The following MAPK8IP3 variants were observed in gnomAD, a reference collection of about 807,000 sequenced individuals.
MAPK8IP3 encodes mitogen-activated protein kinase 8 interacting protein 3.
Under a neutral mutation model 157.8 loss-of-function variants are expected in MAPK8IP3, and 49 were observed. That is an observed-to-expected ratio of 0.31 (90% CI 0.25 to 0.39). MAPK8IP3 has a LOEUF of 0.39. MAPK8IP3 is among the 10% of genes least tolerant of loss of function. The pLI, the probability that MAPK8IP3 is intolerant of heterozygous loss-of-function variation, is 1.00. For synonymous variants in MAPK8IP3, 897 were observed against 777.7 expected (o/e 1.15, Z -2.55); for missense variants, 1,478 against 1,889.4 (o/e 0.78, Z 4.04).
rs906498295 is a variant in MAPK8IP3 at position 1,742,575 on chromosome 16, C to T, written c.603-757C>T. 6.6e-6 allele frequency among the ~76,000 whole-genome samples: 1 copy of T among 152,192 alleles called. No homozygotes were observed. The highest frequency in any genetic ancestry group is 2.4e-5 in the African/African-American group (1 of 41,454). Reference sequence around the variant, plus strand: ...TTTTGCAGTGAGGCAGCCTCATGAACAGGAGTAATGAGGATGGGCAGGAGG... The same window carrying T: ...TTTTGCAGTGAGGCAGCCTCATGAATAGGAGTAATGAGGATGGGCAGGAGG... On this transcript the variant is annotated intron_variant, in intron 4 of 31. Coordinates refer to ENST00000610761, the MANE Select transcript of MAPK8IP3 (RefSeq NM_001318852.2). This position sits in a 1 kb window ranked among gnomAD's most constrained non-coding sequence, Gnocchi z 5.0.
chr16:1,743,647 G>A lies in MAPK8IP3; in HGVS notation c.747+171G>A. 1 of 1,438,832 alleles carries A rather than the reference G, an allele frequency of 7.0e-7. No homozygotes were observed. The highest frequency in any genetic ancestry group is 1.5e-5 in the South Asian group (1 of 68,458). 89.1% of individuals were successfully genotyped at this position (1,438,832 alleles called of 1,614,324 possible). ...ACCCAGCCAGGGTGTCAGGGGCTCA[G>A]GCTGCCCAGCAGGCCCTGTGTGGCT... On this transcript the variant is annotated intron_variant, in intron 5 of 31. Coordinates refer to ENST00000610761, the MANE Select transcript of MAPK8IP3 (RefSeq NM_001318852.2). The surrounding 1 kb of genome is among the most constrained non-coding windows in gnomAD (Gnocchi z 5.6).
chr16:1,735,333 TGAGC>T (rs1219924502), intron 4 of MAPK8IP3, among the ~76,000 whole-genome samples: 4 of 150,658 alleles, frequency 2.7e-5, no homozygotes, highest in African/African-American at 7.3e-5. Flanking sequence ...TCCATGTGAG[TGAGC>T]GTCCATGTGA....
At chr16:1,729,075 C>T (rs1254326007) in intron 2 of MAPK8IP3, 63 bp from the exon 3 acceptor site, 2 of 1,510,016 alleles carry the variant, frequency 1.3e-6, no homozygotes, top group African/African-American at 1.4e-5. Flanking sequence ...GTGGTTACAA[C>T]CCAAGAGTTC....
At chr16:1,758,293 G>A in intron 9 of MAPK8IP3, 134 bp downstream of exon 9, 1 of 1,003,838 alleles carries the variant, frequency 1.0e-6, no homozygotes, top group Non-Finnish European at 1.5e-6. Context: ...CTCTGCTTCT[G>A]CTCGCAGCCA....
At chr16:1,744,802 G>A (rs2040870382) in intron 5 of MAPK8IP3, 1 of 985,310 alleles carries the variant, frequency 1.0e-6, no homozygotes, top group Non-Finnish European at 1.2e-6. Context: ...TTCATAAATT[G>A]TAGCGTTTTA....
rs1596686294 is a variant in MAPK8IP3 at position 1,743,265 on chromosome 16, A to G, written c.603-67A>G. 6.8e-7 allele frequency: 1 copy of G among 1,467,294 alleles called. No individual in the cohort carries two copies. Among genetic ancestry groups the G allele is most frequent in the Non-Finnish European group, 9.0e-7 (1 of 1,115,794 alleles). 90.9% of individuals were successfully genotyped at this position (1,467,294 alleles called of 1,614,324 possible). On this transcript the variant is annotated intron_variant, in intron 4 of 31. Coordinates refer to ENST00000610761, the MANE Select transcript of MAPK8IP3 (RefSeq NM_001318852.2). This position sits in a 1 kb window ranked among gnomAD's most constrained non-coding sequence, Gnocchi z 5.6. ...TCACTCGAGGTCTGCTTGCCCTGGG[A>G]GGGCTTGGGAAATCTTCACGGCCAC...
In MAPK8IP3 at chr16:1,769,695, A is replaced by C. The variant is rs2042496943; in HGVS notation, c.*871A>C. 6.6e-6 allele frequency: 1 copy of C among 152,560 alleles called. No individual in the cohort carries two copies. Among genetic ancestry groups the C allele is most frequent in the Middle Eastern group, 3.4e-3 (1 of 294 alleles). 9.5% of individuals were successfully genotyped at this position (152,560 alleles called of 1,614,324 possible). A position where few individuals can be genotyped will look rare whatever the true frequency, so the allele number is the denominator to read the frequency against. On this transcript the variant is annotated 3_prime_UTR_variant, in exon 32 of 32. Transcript: ENST00000610761. Reference sequence around the variant, plus strand: ...AGGGGAGGCCCCTGGCCTCTCCGGGATCAGTCCTAGGACACAGGCTCAGCC... The same window carrying C: ...AGGGGAGGCCCCTGGCCTCTCCGGGCTCAGTCCTAGGACACAGGCTCAGCC...
chr16:1,738,331 C>A (rs2040231946), intron 4 of MAPK8IP3, among the ~76,000 whole-genome samples: 4 of 59,360 alleles, frequency 6.7e-5, no homozygotes, highest in Admixed American at 2.5e-4. Context: ...CATCCGTGAG[C>A]GTGTGACCGT....
At chr16:1,737,778 GACCATCCA>G (rs1432466702) in intron 4 of MAPK8IP3, among the ~76,000 whole-genome samples, 4 of 96,814 alleles carry the variant, frequency 4.1e-5, no homozygotes, top group Non-Finnish European at 4.0e-5. Context: ...CCGTGTGAGT[GACCATCCA>G]TGTGAGCATC....
At chr16:1,757,404 C>T (rs1242033626) in intron 8 of MAPK8IP3, among the ~76,000 whole-genome samples, 1 of 152,156 alleles carries the variant, frequency 6.6e-6, no homozygotes, top group African/African-American at 2.4e-5. Context: ...ACGCCCTGCT[C>T]AAGTGACTTT....
chr16:1,716,038 T>C (rs1466910367), intron 1 of MAPK8IP3, among the ~76,000 whole-genome samples: 2 of 152,062 alleles, frequency 1.3e-5, no homozygotes, highest in Non-Finnish European at 2.9e-5. Context: ...GGTTTGGATT[T>C]AATGTATTAC....
chr16:1,730,805 T>C (rs1420634367), intron 4 of MAPK8IP3, among the ~76,000 whole-genome samples: 2 of 138,838 alleles, frequency 1.4e-5, no homozygotes, highest in Non-Finnish European at 3.1e-5. Context: ...ATCGCACCAC[T>C]GCACTCCAGC....
chr16:1,759,891 C>A, intron 10 of MAPK8IP3, 67 bp from the exon 11 acceptor site: 1 of 1,385,890 alleles, frequency 7.2e-7, no homozygotes, highest in Non-Finnish European at 1.0e-6. Context: ...TGCCCTGAGG[C>A]AGGTGCGGCG....
intron 5 of MAPK8IP3, chr16:1,745,946 G>A (rs1014411219): frequency 1.3e-5 from 2 of 152,302 alleles, no homozygotes; most frequent in Admixed American, 6.5e-5. Context: ...TGGAAGTCCC[G>A]TCTGCCCTGG....
At chr16:1,757,781 T>G (rs1206517100) in intron 8 of MAPK8IP3, among the ~76,000 whole-genome samples, 1 of 152,182 alleles carries the variant, frequency 6.6e-6, no homozygotes, top group African/African-American at 2.4e-5. Context: ...TTTTGGAGAC[T>G]GGGTACCTGC....
chr16:1,719,279 T>A (rs1339993136), intron 1 of MAPK8IP3, among the ~76,000 whole-genome samples: 3 of 150,132 alleles, frequency 2.0e-5, no homozygotes, highest in Non-Finnish European at 4.4e-5. Context: ...TGAGACCCAA[T>A]CTTTAAAAAG....
rs761849562 is a variant in MAPK8IP3, at chr16:1,764,983, C to T, written c.2281-30C>T. On this transcript the variant is annotated intron_variant, in intron 19 of 31. Transcript: ENST00000610761. ...GCCACCGGGTAGCCTCAAGCTCGGG[C>T]TCTGACCTTGATCCCGTGCCCTGAA... is the stretch of plus-strand genomic sequence containing the variant. The T allele has an allele frequency of 1.3e-5, 21 of 1,585,940 alleles. No individual in the cohort carries two copies. In the East Asian group the frequency reaches 3.4e-4, roughly 26 times the overall value.
rs918275045 is a variant in MAPK8IP3 at position 1,765,117 on chromosome 16, C to T, written c.2385C>T (p.Gly795=). 20 of 1,612,356 alleles carry T rather than the reference C, an allele frequency of 1.2e-5. No homozygotes were observed. The highest frequency in any genetic ancestry group is 1.6e-4 in the Middle Eastern group (1 of 6,080). ...TGATCATCGACGCCAACCAGCCGGG[C>T]ACGGTGGTGGACCAGTTCACCGTCT... ...KVVIIDANQP[G]TVVDQFTVCN... The change falls in exon 20 of 32, where the codon GGC becomes GGT. Residue 795 remains glycine (G), a synonymous_variant. Transcript: ENST00000610761.
rs199827854 is a variant in MAPK8IP3 at position 1,753,565 on chromosome 16, C to T, written c.1217-4583C>T. ...ACGCCATTCTCCTGCCTCAGCCTCCCGAGTAGCTGGGACTACAGGTGCCTG... is the reference window on the plus strand; with the variant it reads ...ACGCCATTCTCCTGCCTCAGCCTCCTGAGTAGCTGGGACTACAGGTGCCTG... On this transcript the variant is annotated intron_variant, in intron 8 of 31. Coordinates refer to ENST00000610761, the MANE Select transcript of MAPK8IP3 (RefSeq NM_001318852.2). Among the ~76,000 whole-genome samples, 27 of 151,996 alleles carry T rather than the reference C, an allele frequency of 1.8e-4. No individual in the cohort carries two copies. The East Asian group carries it at 4.3e-3, about 24-fold the overall frequency.
Sources: allele counts gnomAD v4.1 joint callset (sites outside exome capture counted in the v4.1 genomes callset), GRCh38; gene constraint gnomAD v4.1.1; non-coding constraint Gnocchi (gnomAD v3.1); transcripts MANE v1.5; gene names NCBI Gene and HGNC (gene_info 2026-07-23, HGNC 2026-07-21).